Variants in TTC23L observed in about 807,000 individuals in gnomAD.
The protein encoded by TTC23L is tetratricopeptide repeat protein 23-like.
TTC23L carries 42 observed loss-of-function variants against 48.1 expected under a neutral mutation model. That is an observed-to-expected ratio of 0.87 (90% CI 0.68 to 1.13). The LOEUF is 1.13. Among genes scored for constraint, TTC23L ranks in the 50% most tolerant of loss-of-function variants. The pLI is 0.00. For synonymous variants in TTC23L, 159 were observed against 157.2 expected (o/e 1.01, Z -0.09); for missense variants, 391 against 421.0 (o/e 0.93, Z 0.62).
chr5:34,859,035 T>G (rs1248412607), intron 4 of TTC23L, among the ~76,000 whole-genome samples: 1 of 152,194 alleles, frequency 6.6e-6, no homozygotes, highest in African/African-American at 2.4e-5. Flanking sequence ...GTGCAGGCTT[T>G]CAAAAGCCTC....
At position 34,846,600 on chromosome 5, in the gene TTC23L, T is replaced by TATATATATAC. The variant is rs61009546; in HGVS notation, c.255+928_255+929insTATATATACA. On this transcript the variant is annotated intron_variant, in intron 3 of 10. Transcript: ENST00000505624. ...AAATATATATATATATATATATATA[T>TATATATATAC]ACACACACATATATATACACACACA... is the stretch of plus-strand genomic sequence containing the variant. 6.6e-3 allele frequency among the ~76,000 whole-genome samples: 610 copies of TATATATATAC among 92,864 alleles called. 45 individuals are homozygous for TATATATATAC. The highest frequency in any genetic ancestry group is 0.021 in the African/African-American group (397 of 19,180). The allele number at this position is 92,864 out of a possible 152,430, so 60.9% of individuals were successfully genotyped here. A position where few individuals can be genotyped will look rare whatever the true frequency, so the allele number is the denominator to read the frequency against.
At chr5:34,870,358 A>T (rs1761369363) in intron 8 of TTC23L, among the ~76,000 whole-genome samples, 1 of 152,188 alleles carries the variant, frequency 6.6e-6, no homozygotes, top group African/African-American at 2.4e-5. Context: ...AAAGGTCTAA[A>T]GTTTCTATCT....
intron 3 of TTC23L, among the ~76,000 whole-genome samples, chr5:34,845,934 T>G (rs1433533687): frequency 6.6e-6 from 1 of 152,142 alleles, no homozygotes; most frequent in African/African-American, 2.4e-5. Flanking sequence ...CAGTGGCTCA[T>G]GCGTGTAATC....
intron 8 of TTC23L, among the ~76,000 whole-genome samples, chr5:34,874,734 T>A (rs562820404): frequency 0.013 from 1,918 of 149,698 alleles, 37 homozygotes; most frequent in Non-Finnish European, 0.016. Flanking sequence ...AAAAAAAAAA[T>A]AAATAAATAA....
chr5:34,864,551 T>G, exon 6 of TTC23L: 1 of 1,612,962 alleles, frequency 6.2e-7, no homozygotes. Flanking sequence ...ACCTAACACT[T>G]GCTTTGGGCA....
At chr5:34,911,570 C>A in the TTC23L span, 2 of 1,614,134 alleles carry the variant, frequency 1.2e-6, no homozygotes, top group Non-Finnish European at 8.5e-7. Flanking sequence ...TAAGGCTTGT[C>A]AGGAGACATG....
the TTC23L span, chr5:34,920,056 T>G: frequency 2.3e-6 from 1 of 426,694 alleles, no homozygotes; most frequent in East Asian, 4.0e-5. Flanking sequence ...AGTTTAGTGC[T>G]TCATTCATTT....
intron 1 of TTC23L, among the ~76,000 whole-genome samples, chr5:34,839,854 G>A (rs1417642592): frequency 6.6e-6 from 1 of 152,176 alleles, no homozygotes; most frequent in African/African-American, 2.4e-5. Flanking sequence ...TGCTTCCGAG[G>A]TTTCTCCTAT....
chr5:34,895,076 T>C (rs1253624699), intron 9 of TTC23L, among the ~76,000 whole-genome samples: 1 of 152,234 alleles, frequency 6.6e-6, no homozygotes, highest in Non-Finnish European at 1.5e-5. Flanking sequence ...GTTTGTCCAG[T>C]ACCTGATTAA....
intron 5 of TTC23L, among the ~76,000 whole-genome samples, chr5:34,864,197 T>C (rs1385666398): frequency 1.3e-5 from 2 of 152,328 alleles, no homozygotes; most frequent in Admixed American, 6.5e-5. Context: ...CTGCAAACAC[T>C]GCCTACCTAC....
chr5:34,859,762 C>T (rs1760429188), intron 4 of TTC23L, among the ~76,000 whole-genome samples: 1 of 151,702 alleles, frequency 6.6e-6, no homozygotes, highest in Admixed American at 6.6e-5. Flanking sequence ...CAAATTAAGA[C>T]ATCATCCAAG....
At chr5:34,839,987 G>A (rs1257717690) in intron 1 of TTC23L, among the ~76,000 whole-genome samples, 3 of 152,204 alleles carry the variant, frequency 2.0e-5, no homozygotes, top group Non-Finnish European at 4.4e-5. Context: ...CGCCTCCCGG[G>A]TTCAAGCGAT....
intron 2 of TTC23L, among the ~76,000 whole-genome samples, chr5:34,845,063 G>A (rs1465985113): frequency 6.6e-6 from 1 of 152,064 alleles, no homozygotes; most frequent in African/African-American, 2.4e-5. Flanking sequence ...ACCCTCATTT[G>A]TAGAAGAAGA....
chr5:34,919,133 A>G, the TTC23L span: 1 of 151,334 alleles, frequency 6.6e-6, no homozygotes, highest in South Asian at 2.1e-4. Context: ...AAATTAGCCA[A>G]GTGAGGGGGT....
intron 9 of TTC23L, among the ~76,000 whole-genome samples, chr5:34,893,470 C>A (rs867543398): frequency 6.6e-6 from 1 of 152,178 alleles, no homozygotes; most frequent in Middle Eastern, 3.4e-3. Context: ...ACATGTGAAA[C>A]AAGAAGGCTT....
intron 4 of TTC23L, among the ~76,000 whole-genome samples, chr5:34,858,693 A>T (rs1285974302): frequency 6.6e-6 from 1 of 151,986 alleles, no homozygotes. Flanking sequence ...TAAAAAAAAA[A>T]TAGAGAAGTT....
chr5:34,887,896 C>T (rs1306377415), intron 9 of TTC23L, among the ~76,000 whole-genome samples: 1 of 152,198 alleles, frequency 6.6e-6, no homozygotes, highest in Non-Finnish European at 1.5e-5. Flanking sequence ...ATGTTTCACA[C>T]AAAGTCAGTG....
At chr5:34,875,515 T>C (rs1761772723) in intron 8 of TTC23L, among the ~76,000 whole-genome samples, 1 of 152,066 alleles carries the variant, frequency 6.6e-6, no homozygotes, top group Non-Finnish European at 1.5e-5. Flanking sequence ...TTTCACATTC[T>C]CCTGCTTGCT....
chr5:34,896,683 C>T (rs1354547682), intron 9 of TTC23L, 87 bp from the exon 10 acceptor site: 1 of 730,196 alleles, frequency 1.4e-6, no homozygotes, highest in Non-Finnish European at 2.6e-6. Flanking sequence ...TCTGGAATAG[C>T]ATTCTCAGTG....
Sources: allele counts gnomAD v4.1 joint callset (sites outside exome capture counted in the v4.1 genomes callset), GRCh38; gene constraint gnomAD v4.1.1; transcripts MANE v1.5; gene names NCBI Gene and HGNC (gene_info 2026-07-23, HGNC 2026-07-21).